Variants in ANKS1B observed in about 807,000 individuals in gnomAD.
ANKS1B encodes ankyrin repeat and sterile alpha motif domain containing 1B.
In ANKS1B, 36 loss-of-function variants were observed where a neutral mutation model predicts 148.3. The ratio of observed to expected loss-of-function variants is 0.24; its 90% confidence interval spans 0.19 to 0.32. The LOEUF (loss-of-function observed/expected upper bound fraction) is 0.32. Among genes scored for constraint, ANKS1B ranks in the 10% least tolerant of loss-of-function variants. The pLI is 1.00. For synonymous variants in ANKS1B, 542 were observed against 560.8 expected (o/e 0.97, Z 0.47); for missense variants, 1,157 against 1,542.6 (o/e 0.75, Z 4.19).
intron 9 of ANKS1B, among the ~76,000 whole-genome samples, chr12:99,590,916 T>A (rs1438638140): frequency 6.6e-6 from 1 of 152,204 alleles, no homozygotes; most frequent in South Asian, 2.1e-4. Flanking sequence ...ATGTTTATTT[T>A]CTTACTTTGA....
intron 17 of ANKS1B, among the ~76,000 whole-genome samples, chr12:98,840,813 C>T (rs758076079): frequency 2.6e-5 from 4 of 152,124 alleles, no homozygotes; most frequent in Non-Finnish European, 4.4e-5. Context: ...CTGAAAGTTA[C>T]TTTTAAGTAA....
chr12:99,159,561 T>G (rs1410546813), intron 14 of ANKS1B, among the ~76,000 whole-genome samples: 1 of 152,208 alleles, frequency 6.6e-6, no homozygotes, highest in Admixed American at 6.5e-5. Flanking sequence ...TATAATTTTT[T>G]TTCTTTTTTT....
intron 14 of ANKS1B, among the ~76,000 whole-genome samples, chr12:99,200,073 ACT>A (rs1408359986): frequency 1.3e-5 from 2 of 152,128 alleles, no homozygotes; most frequent in Non-Finnish European, 2.9e-5. Flanking sequence ...ACACAGATAC[ACT>A]CTGGTTAATG....
chr12:99,944,534 T>C (rs2095007011), intron 1 of ANKS1B, among the ~76,000 whole-genome samples: 1 of 152,156 alleles, frequency 6.6e-6, no homozygotes, highest in Non-Finnish European at 1.5e-5. Context: ...TTATTTTATT[T>C]GTGTATAACC....
chr12:99,669,252 C>T (rs184229299), intron 8 of ANKS1B, among the ~76,000 whole-genome samples: 8 of 152,282 alleles, frequency 5.3e-5, no homozygotes, highest in Admixed American at 5.2e-4. Context: ...CTCACTGCAG[C>T]CTTGACTTCT....
chr12:99,475,029 G>T (rs2152918247), intron 10 of ANKS1B, among the ~76,000 whole-genome samples: 1 of 151,782 alleles, frequency 6.6e-6, no homozygotes, highest in Non-Finnish European at 1.5e-5. Context: ...TTTAGGTCAG[G>T]AGTTTGAGAT....
chr12:99,572,919 G>T (rs188465914), intron 9 of ANKS1B, among the ~76,000 whole-genome samples: 9 of 151,972 alleles, frequency 5.9e-5, no homozygotes, highest in African/African-American at 2.2e-4. Context: ...GGTATATTTT[G>T]AATGTGTTAC....
At chr12:99,477,690 T>C (rs1202448714) in intron 10 of ANKS1B, among the ~76,000 whole-genome samples, 1 of 152,210 alleles carries the variant, frequency 6.6e-6, no homozygotes, top group Non-Finnish European at 1.5e-5. Context: ...GTTACTATCA[T>C]AGATATTAAA....
Position 99,288,882 on chromosome 12 carries a change from A to C in ANKS1B, c.1757-42018T>G, listed in dbSNP as rs2079515814. On this transcript the variant is annotated intron_variant, in intron 12 of 26. Transcript: ENST00000683438. Reference sequence around the variant, plus strand: ...CAAAACAACCAGAAAACAAATAACAAAATGGTGGTAGTAAGTCCTTACTTA... The same window carrying C: ...CAAAACAACCAGAAAACAAATAACACAATGGTGGTAGTAAGTCCTTACTTA... 1.3e-5 allele frequency among the ~76,000 whole-genome samples: 2 copies of C among 152,074 alleles called. 1 individual carries two copies. The highest frequency in any genetic ancestry group is 3.9e-4 in the East Asian group (2 of 5,194).
At chr12:99,368,339 C>T (rs933551221) in intron 12 of ANKS1B, among the ~76,000 whole-genome samples, 3 of 151,722 alleles carry the variant, frequency 2.0e-5, no homozygotes, top group Admixed American at 6.6e-5. Context: ...GCAATATAGC[C>T]ATGTAACAAA....
At chr12:99,963,396 A>C (rs1424597064) in intron 1 of ANKS1B, among the ~76,000 whole-genome samples, 1 of 152,170 alleles carries the variant, frequency 6.6e-6, no homozygotes, top group African/African-American at 2.4e-5. Context: ...TAAGGTAGTA[A>C]AACTAAAATT....
chr12:99,378,652 C>CAAAAAAA (rs140892353), intron 12 of ANKS1B, among the ~76,000 whole-genome samples: 34 of 90,554 alleles, frequency 3.8e-4, no homozygotes, highest in Non-Finnish European at 5.7e-4. Flanking sequence ...GACTCCATCT[C>CAAAAAAA]AAAAAAAAAA....
At chr12:99,224,596 C>G (rs539498877) in intron 14 of ANKS1B, among the ~76,000 whole-genome samples, 1 of 152,080 alleles carries the variant, frequency 6.6e-6, no homozygotes, top group Non-Finnish European at 1.5e-5. Flanking sequence ...TGAAGCCTCC[C>G]CAGAAGCAGA....
At chr12:99,648,313 G>C in intron 9 of ANKS1B, 1 of 1,614,192 alleles carries the variant, frequency 6.2e-7, no homozygotes, top group Non-Finnish European at 8.5e-7. Flanking sequence ...ACCCATGTTT[G>C]AGAGCGACTT....
chr12:99,742,572 C>A (rs142497743), intron 8 of ANKS1B, among the ~76,000 whole-genome samples: 1 of 151,556 alleles, frequency 6.6e-6, no homozygotes, highest in Non-Finnish European at 1.5e-5. Context: ...CAGTGAATCA[C>A]GCCTGTAATC....
Position 99,980,998 on chromosome 12 carries a change from A to C in ANKS1B, c.134+3106T>G, listed in dbSNP as rs116374629. On this transcript the variant is annotated intron_variant, in intron 1 of 26. Transcript: ENST00000683438. ...GAGAAAATTTCCGCACTAGGTGAGA[A>C]GTTGGAAGAAAGTTCCCTCCTTATT... is the stretch of plus-strand genomic sequence containing the variant. 9.1e-3 allele frequency among the ~76,000 whole-genome samples: 1,387 copies of C among 152,196 alleles called. 25 individuals are homozygous for C. Among genetic ancestry groups the C allele is most frequent in the African/African-American group, 0.031 (1,294 of 41,580 alleles).
chr12:99,786,259 C>T (rs1009914209), intron 4 of ANKS1B, among the ~76,000 whole-genome samples: 5 of 152,128 alleles, frequency 3.3e-5, no homozygotes, highest in Admixed American at 3.3e-4. Context: ...TTCCCCACAG[C>T]CTTAGGGAAA....
chr12:99,779,404 A>G (rs2064018832), intron 6 of ANKS1B, among the ~76,000 whole-genome samples: 1 of 152,220 alleles, frequency 6.6e-6, no homozygotes, highest in Non-Finnish European at 1.5e-5. Flanking sequence ...AATTTGAACA[A>G]ATCAAATCTC....
chr12:99,789,659 T>A (rs1378093822), intron 4 of ANKS1B, among the ~76,000 whole-genome samples: 1 of 151,262 alleles, frequency 6.6e-6, no homozygotes, highest in Non-Finnish European at 1.5e-5. Context: ...AAAATTGCAA[T>A]TGATGTAATG....
Sources: gnomAD v4.1 joint callset for allele counts (sites outside exome capture counted in the v4.1 genomes callset) on GRCh38, gnomAD v4.1.1 for gene constraint, MANE v1.5 for transcripts, NCBI Gene and HGNC (gene_info 2026-07-23, HGNC 2026-07-21) for gene names.